Variants in C12orf42 observed in about 807,000 individuals in gnomAD.
The protein encoded by C12orf42 is uncharacterized protein C12orf42.
A neutral mutation model predicts 21.6 loss-of-function variants in C12orf42; 25 were observed. That is an observed-to-expected ratio of 1.16 (90% CI 0.84 to 1.62). The LOEUF (loss-of-function observed/expected upper bound fraction) is 1.62. C12orf42 is among the 40% of genes most tolerant of loss of function. C12orf42 has a pLI of 0.00. For synonymous variants in C12orf42, 174 were observed against 175.0 expected, an observed-to-expected ratio of 0.99 and a Z score of 0.05; for missense variants, 483 against 459.3, an observed-to-expected ratio of 1.05 and a Z score of -0.47.
chr12:103,252,984 A>C (rs2034384939), intron 10 of C12orf42, among the ~76,000 whole-genome samples: 1 of 152,144 alleles, frequency 6.6e-6, no homozygotes, highest in African/African-American at 2.4e-5. Context: ...ATTTTTGTAT[A>C]AGGTGTAAGG....
chr12:103,107,638 CA>C, the C12orf42 span, among the ~76,000 whole-genome samples: 2 of 150,378 alleles, frequency 1.3e-5, no homozygotes, highest in African/African-American at 4.9e-5. Context: ...ATCTTTAACA[CA>C]AATTAGAAAG....
chr12:103,367,752 C>T (rs181729743), intron 4 of C12orf42, among the ~76,000 whole-genome samples: 3 of 151,906 alleles, frequency 2.0e-5, no homozygotes, highest in Admixed American at 2.0e-4. Context: ...GTTTTTGAAC[C>T]ATGTAAATGT....
intron 3 of C12orf42, among the ~76,000 whole-genome samples, chr12:103,374,421 C>T (rs913405204): frequency 1.6e-3 from 238 of 152,236 alleles, no homozygotes; most frequent in African/African-American, 5.3e-3. Context: ...GAGTCTGTGG[C>T]TGCTGCAGCT....
chr12:103,291,044 G>A (rs1408547576), intron 4 of C12orf42, among the ~76,000 whole-genome samples: 1 of 152,098 alleles, frequency 6.6e-6, no homozygotes, highest in Non-Finnish European at 1.5e-5. Context: ...TTTTAAAAAA[G>A]AAAATATAGT....
At chr12:103,334,740 C>T (rs547575269) in intron 4 of C12orf42, among the ~76,000 whole-genome samples, 5 of 152,140 alleles carry the variant, frequency 3.3e-5, no homozygotes, top group African/African-American at 9.7e-5. Context: ...CCAAAGAAAT[C>T]GCTCGGCCAA....
At chr12:103,119,478 C>T in the C12orf42 span, among the ~76,000 whole-genome samples, 2 of 152,182 alleles carry the variant, frequency 1.3e-5, no homozygotes, top group African/African-American at 4.8e-5. Context: ...AGGGGAAGAG[C>T]TCAGGAAATA....
the C12orf42 span, among the ~76,000 whole-genome samples, chr12:103,140,134 C>T: frequency 6.6e-6 from 1 of 152,170 alleles, no homozygotes; most frequent in Non-Finnish European, 1.5e-5. Flanking sequence ...CTGGAATTGT[C>T]CTTGGCAAGA....
At chr12:103,264,297 G>A (rs149968147), downstream of C12orf42, among the ~76,000 whole-genome samples, 422 of 152,202 alleles carry the variant, frequency 2.8e-3, 1 homozygote, top group Non-Finnish European at 4.3e-3. Context: ...TCATTGGTAC[G>A]TATTGTAAAA....
the C12orf42 span, among the ~76,000 whole-genome samples, chr12:103,155,708 A>G: frequency 6.7e-6 from 1 of 149,668 alleles, no homozygotes. Flanking sequence ...ACTTGTATAT[A>G]TACATATACA....
At chr12:103,378,078 G>A (rs1291374366) in intron 3 of C12orf42, among the ~76,000 whole-genome samples, 2 of 151,838 alleles carry the variant, frequency 1.3e-5, no homozygotes, top group East Asian at 3.9e-4. Context: ...AAAGCCAGGG[G>A]GAACTAGCCT....
chr12:103,140,873 C>T, the C12orf42 span, among the ~76,000 whole-genome samples: 5 of 152,140 alleles, frequency 3.3e-5, no homozygotes, highest in Non-Finnish European at 5.9e-5. Flanking sequence ...ACAATGTACG[C>T]ATTGCACACA....
chr12:103,116,135 G>A, the C12orf42 span, among the ~76,000 whole-genome samples: 1 of 152,086 alleles, frequency 6.6e-6, no homozygotes, highest in African/African-American at 2.4e-5. Context: ...GCCAAGGCGG[G>A]CAGATTACCT....
intron 10 of C12orf42, among the ~76,000 whole-genome samples, chr12:103,255,777 C>A (rs868377277): frequency 6.6e-6 from 1 of 151,402 alleles, no homozygotes; most frequent in Non-Finnish European, 1.5e-5. Flanking sequence ...TATGGCCGGG[C>A]GCGATGGCTC....
chr12:103,454,576 G>T (rs1952164605), intron 2 of C12orf42, among the ~76,000 whole-genome samples: 1 of 152,036 alleles, frequency 6.6e-6, no homozygotes, highest in Admixed American at 6.6e-5. Context: ...TCTGTCACCA[G>T]TTCTTTCCTT....
At chr12:103,096,570 G>A in the C12orf42 span, among the ~76,000 whole-genome samples, 1 of 152,102 alleles carries the variant, frequency 6.6e-6, no homozygotes, top group Non-Finnish European at 1.5e-5. Context: ...AATTAGCTTG[G>A]CAACCTTGTG....
chr12:103,142,140 T>C, the C12orf42 span, among the ~76,000 whole-genome samples: 4 of 152,236 alleles, frequency 2.6e-5, no homozygotes, highest in Admixed American at 6.5e-5. Flanking sequence ...GATGTGATTA[T>C]CAAGTTTGAG....
the C12orf42 span, among the ~76,000 whole-genome samples, chr12:103,506,630 C>T: frequency 1.0e-3 from 153 of 150,460 alleles, 1 homozygote; most frequent in Middle Eastern, 0.021. Context: ...TGTGTAAGTA[C>T]AATCTATGAT....
chr12:103,108,665 C>A, the C12orf42 span, among the ~76,000 whole-genome samples: 1 of 152,084 alleles, frequency 6.6e-6, no homozygotes, highest in African/African-American at 2.4e-5. Context: ...TTGATAGAAG[C>A]ATTTCCTTCA....
the C12orf42 span, among the ~76,000 whole-genome samples, chr12:103,212,939 CAT>C: frequency 1.5e-4 from 22 of 149,172 alleles, no homozygotes; most frequent in African/African-American, 2.0e-4. Flanking sequence ...ACACGCACTA[CAT>C]ATATATATAT....
Sources: allele counts gnomAD v4.1 joint callset (sites outside exome capture counted in the v4.1 genomes callset), GRCh38; gene constraint gnomAD v4.1.1; transcripts MANE v1.5; gene names NCBI Gene and HGNC (gene_info 2026-07-23, HGNC 2026-07-21).